ANXA8: variants seen among roughly 807,000 people sequenced by gnomAD.
ANXA8 encodes VAC-beta.
Under a neutral mutation model 26.8 loss-of-function variants are expected in ANXA8, and 9 were observed. The observed-to-expected ratio is 0.34, with a 90% confidence interval of 0.20 to 0.59. The LOEUF (loss-of-function observed/expected upper bound fraction) is 0.59. ANXA8 is among the 20% of genes least tolerant of loss of function. The pLI is 0.84. For missense variants in ANXA8, 83 were observed against 238.5 expected (o/e 0.35, Z 4.29); for synonymous variants, 39 against 94.8 (o/e 0.41, Z 3.42).
the ANXA8 span, among the ~76,000 whole-genome samples, chr10:47,492,078 T>C: frequency 1.3e-5 from 2 of 150,290 alleles, no homozygotes; most frequent in Non-Finnish European, 3.0e-5. Flanking sequence ...AGCCTGCTGC[T>C]CAAGGTCCCC....
At chr10:47,672,562 C>A in the ANXA8 span, among the ~76,000 whole-genome samples, 1 of 151,474 alleles carries the variant, frequency 6.6e-6, no homozygotes, top group East Asian at 1.9e-4. Context: ...GCTATACTGA[C>A]AAATAAGAAA....
At chr10:47,552,954 G>C in the ANXA8 span, among the ~76,000 whole-genome samples, 1 of 151,862 alleles carries the variant, frequency 6.6e-6, no homozygotes, top group Non-Finnish European at 1.5e-5. Flanking sequence ...CTGGAGCACA[G>C]AAGTGAGTCA....
the ANXA8 span, chr10:47,490,441 GT>G: frequency 6.6e-6 from 1 of 151,966 alleles, no homozygotes; most frequent in South Asian, 2.1e-4. Context: ...TATCGCGAGT[GT>G]GGAGGCTGCG....
the ANXA8 span, among the ~76,000 whole-genome samples, chr10:47,744,129 T>C: frequency 1.4e-5 from 2 of 147,822 alleles, no homozygotes; most frequent in African/African-American, 5.0e-5. Flanking sequence ...GAAGGACTCG[T>C]TGAATGCACA....
chr10:47,707,185 CAAAA>C, the ANXA8 span, among the ~76,000 whole-genome samples: 1 of 135,346 alleles, frequency 7.4e-6, no homozygotes, highest in Non-Finnish European at 1.6e-5. Flanking sequence ...CAAAAAAAAA[CAAAA>C]AAAAGAGTAA....
chr10:47,694,150 A>T, the ANXA8 span, among the ~76,000 whole-genome samples: 2 of 151,856 alleles, frequency 1.3e-5, no homozygotes, highest in East Asian at 3.9e-4. Flanking sequence ...CTGTAATGCA[A>T]TTTACTTAAC....
At chr10:47,487,081 A>G (rs1386774194), upstream of ANXA8, 2 of 712,754 alleles carry the variant, frequency 2.8e-6, no homozygotes, top group African/African-American at 3.6e-5. Context: ...GACACCCCAA[A>G]CACCCTGATT....
chr10:47,714,639 G>T, the ANXA8 span, among the ~76,000 whole-genome samples: 1 of 37,904 alleles, frequency 2.6e-5, no homozygotes, highest in Non-Finnish European at 4.8e-5. Context: ...AGCACTTTGG[G>T]AAGCCGAGGC....
the ANXA8 span, among the ~76,000 whole-genome samples, chr10:47,651,356 A>AT: frequency 6.6e-6 from 1 of 151,634 alleles, no homozygotes; most frequent in African/African-American, 2.4e-5. Flanking sequence ...GGAACCCTAT[A>AT]AGGGTTCCTT....
the ANXA8 span, among the ~76,000 whole-genome samples, chr10:47,952,184 A>T: frequency 3.9e-3 from 560 of 144,862 alleles, no homozygotes; most frequent in African/African-American, 0.016. Context: ...ATAGTGAAAG[A>T]CATAATGTTT....
At chr10:47,536,621 A>G in the ANXA8 span, among the ~76,000 whole-genome samples, 1 of 129,870 alleles carries the variant, frequency 7.7e-6, no homozygotes. Context: ...AACTATCTAT[A>G]TATACCCCGC....
At chr10:47,989,217 G>A in the ANXA8 span, among the ~76,000 whole-genome samples, 1 of 137,762 alleles carries the variant, frequency 7.3e-6, no homozygotes, top group Non-Finnish European at 1.6e-5. Context: ...CAGGCAATGA[G>A]TGTTCCTGGA....
At chr10:47,632,411 G>T in the ANXA8 span, among the ~76,000 whole-genome samples, 1 of 149,156 alleles carries the variant, frequency 6.7e-6, no homozygotes, top group African/African-American at 2.6e-5. Context: ...AATAGGGCTG[G>T]TTATAACACT....
At chr10:47,697,234 T>G in the ANXA8 span, among the ~76,000 whole-genome samples, 1 of 152,256 alleles carries the variant, frequency 6.6e-6, no homozygotes, top group African/African-American at 2.4e-5. Flanking sequence ...GCAAGTTATT[T>G]CACTTCACTA....
At chr10:47,675,949 G>T in the ANXA8 span, among the ~76,000 whole-genome samples, 1 of 151,354 alleles carries the variant, frequency 6.6e-6, no homozygotes, top group Admixed American at 6.6e-5. Context: ...TTAAATAGAG[G>T]TGAAAAATAT....
At chr10:47,474,856 C>T (rs1839461492) in intron 7 of ANXA8, 89 bp downstream of exon 7, 9 of 1,469,376 alleles carry the variant, frequency 6.1e-6, no homozygotes, top group East Asian at 3.0e-5. Context: ...GGGTCCCAGC[C>T]CAGTGTCAGA....
At chr10:47,593,363 G>A in the ANXA8 span, among the ~76,000 whole-genome samples, 2 of 149,784 alleles carry the variant, frequency 1.3e-5, no homozygotes, top group South Asian at 4.1e-4. Context: ...ACCAGACTTG[G>A]AGAAGGAATT....
At chr10:47,659,047 A>G in the ANXA8 span, among the ~76,000 whole-genome samples, 5 of 151,322 alleles carry the variant, frequency 3.3e-5, no homozygotes, top group Non-Finnish European at 5.9e-5. Flanking sequence ...GATTTTTTCT[A>G]TTTTTAGTAG....
the ANXA8 span, among the ~76,000 whole-genome samples, chr10:47,645,924 G>A: frequency 1.3e-5 from 2 of 149,220 alleles, no homozygotes; most frequent in African/African-American, 2.6e-5. Flanking sequence ...GGCTTAGGTT[G>A]AACTATATCA....
Sources: gnomAD v4.1 joint callset for allele counts (sites outside exome capture counted in the v4.1 genomes callset) on GRCh38, gnomAD v4.1.1 for gene constraint, MANE v1.5 for transcripts, NCBI Gene and HGNC (gene_info 2026-07-23, HGNC 2026-07-21) for gene names.